NKAIN2: variants seen among roughly 807,000 people sequenced by gnomAD.
NKAIN2 encodes the protein sodium/potassium transporting ATPase interacting 2.
In NKAIN2, 14 loss-of-function variants were observed where a neutral mutation model predicts 32.6. The observed-to-expected ratio is 0.43, with a 90% CI of 0.28 to 0.67. NKAIN2 has a LOEUF of 0.67. NKAIN2 is among the 30% of genes least tolerant of loss of function. The probability of loss-of-function intolerance (pLI) is 0.17; values close to 1 mark genes in which losing one functional copy is unlikely to be tolerated. For missense variants in NKAIN2, 198 were observed against 258.3 expected (o/e 0.77, Z 1.60); for synonymous variants, 80 against 87.2 (o/e 0.92, Z 0.46).
intron 4 of NKAIN2, among the ~76,000 whole-genome samples, chr6:124,687,423 C>A (rs12202163): frequency 4.3e-4 from 10 of 23,508 alleles, no homozygotes; most frequent in African/African-American, 1.6e-3. Flanking sequence ...TATATATATT[C>A]CATGTATACC....
chr6:124,103,742 A>G (rs1167334250), intron 1 of NKAIN2, among the ~76,000 whole-genome samples: 1 of 152,206 alleles, frequency 6.6e-6, no homozygotes, highest in African/African-American at 2.4e-5. Context: ...AGAAAGTAGA[A>G]GTAGCCTAAG....
At chr6:124,651,561 C>G (rs568637397) in intron 3 of NKAIN2, among the ~76,000 whole-genome samples, 21 of 152,284 alleles carry the variant, frequency 1.4e-4, no homozygotes, top group African/African-American at 4.6e-4. Context: ...TGCCTCAAGG[C>G]TTACTGCTTG....
chr6:124,274,847 A>T (rs1794954479), intron 1 of NKAIN2, among the ~76,000 whole-genome samples: 1 of 152,064 alleles, frequency 6.6e-6, no homozygotes, highest in East Asian at 1.9e-4. Context: ...ACACTAAAAA[A>T]ACCCTATTAC....
chr6:123,874,885 C>CTACA (rs35937099), intron 1 of NKAIN2, among the ~76,000 whole-genome samples: 3,030 of 150,928 alleles, frequency 0.02, 92 homozygotes, highest in African/African-American at 0.067. Flanking sequence ...CTCGCTATTC[C>CTACA]TACATACATA....
intron 1 of NKAIN2, among the ~76,000 whole-genome samples, chr6:123,941,802 A>G (rs1019805770): frequency 2.6e-5 from 4 of 151,942 alleles, no homozygotes; most frequent in Admixed American, 6.6e-5. Context: ...TTTTGTATCT[A>G]TGGCGTCAAT....
intron 1 of NKAIN2, among the ~76,000 whole-genome samples, chr6:124,007,264 C>T (rs1780116727): frequency 6.6e-6 from 1 of 152,136 alleles, no homozygotes; most frequent in Non-Finnish European, 1.5e-5. Flanking sequence ...TATATGAGGT[C>T]CCTCATTGAC....
At chr6:123,983,803 C>T (rs924617442) in intron 1 of NKAIN2, among the ~76,000 whole-genome samples, 1 of 151,878 alleles carries the variant, frequency 6.6e-6, no homozygotes. Context: ...AAATTAAACT[C>T]AGGAAATTTT....
intron 3 of NKAIN2, among the ~76,000 whole-genome samples, chr6:124,575,544 C>T (rs1781298933): frequency 1.3e-5 from 2 of 152,154 alleles, no homozygotes. Context: ...TTTCTGCCAC[C>T]CTGCTTCTGC....
intron 1 of NKAIN2, among the ~76,000 whole-genome samples, chr6:123,926,089 C>G (rs916330937): frequency 3.9e-5 from 6 of 152,128 alleles, no homozygotes; most frequent in African/African-American, 1.4e-4. Context: ...TCCATAAGGG[C>G]TATAACCTCA....
chr6:123,919,681 T>G (rs1196653621), intron 1 of NKAIN2, among the ~76,000 whole-genome samples: 1 of 152,100 alleles, frequency 6.6e-6, no homozygotes, highest in Non-Finnish European at 1.5e-5. Flanking sequence ...GATTCCATGG[T>G]TATTTGAAGT....
intron 1 of NKAIN2, among the ~76,000 whole-genome samples, chr6:123,833,839 T>A (rs1774495170): frequency 1.3e-5 from 2 of 151,432 alleles, no homozygotes; most frequent in South Asian, 4.2e-4. Flanking sequence ...GCAATTCTCC[T>A]GGCTCAGCCT....
intron 1 of NKAIN2, among the ~76,000 whole-genome samples, chr6:124,231,555 A>T (rs1792462944): frequency 6.6e-6 from 1 of 152,038 alleles, no homozygotes; most frequent in South Asian, 2.1e-4. Context: ...TTGGTAGGAG[A>T]TAATTGAATC....
chr6:124,198,719 C>G (rs547739469), intron 1 of NKAIN2, among the ~76,000 whole-genome samples: 2 of 152,190 alleles, frequency 1.3e-5, no homozygotes, highest in Non-Finnish European at 2.9e-5. Flanking sequence ...CCCACAGCTG[C>G]TCATTCTGCT....
At chr6:124,483,265 C>G (rs1020389073) in intron 3 of NKAIN2, among the ~76,000 whole-genome samples, 2 of 152,258 alleles carry the variant, frequency 1.3e-5, no homozygotes, top group Non-Finnish European at 2.9e-5. Flanking sequence ...CAACATCACT[C>G]CATAAGTCAT....
At chr6:124,386,048 A>G (rs748218505) in intron 3 of NKAIN2, among the ~76,000 whole-genome samples, 3 of 152,114 alleles carry the variant, frequency 2.0e-5, no homozygotes, top group Non-Finnish European at 4.4e-5. Context: ...TACATTATTA[A>G]TTGAAGAAAA....
chr6:123,842,997 T>C (rs1457673934), intron 1 of NKAIN2, among the ~76,000 whole-genome samples: 1 of 152,188 alleles, frequency 6.6e-6, no homozygotes, highest in East Asian at 1.9e-4. Flanking sequence ...GGTGAGCAAG[T>C]GCACGAGCTG....
intron 1 of NKAIN2, among the ~76,000 whole-genome samples, chr6:124,153,207 T>G (rs1158858758): frequency 6.6e-6 from 1 of 151,878 alleles, no homozygotes; most frequent in Non-Finnish European, 1.5e-5. Context: ...CCGATTACCC[T>G]GATTTTATTA....
chr6:123,883,792 A>G (rs951592660), intron 1 of NKAIN2, among the ~76,000 whole-genome samples: 29 of 148,850 alleles, frequency 1.9e-4, no homozygotes, highest in Admixed American at 6.8e-5. Flanking sequence ...CTACTCGGGA[A>G]GCTGGGGCAG....
chr6:124,041,655 A>G (rs1010225468), intron 1 of NKAIN2, among the ~76,000 whole-genome samples: 4 of 152,112 alleles, frequency 2.6e-5, no homozygotes, highest in Admixed American at 2.6e-4. Context: ...AACATAAAAT[A>G]ACATTTTTGT....
Sources: allele counts gnomAD v4.1 joint callset (sites outside exome capture counted in the v4.1 genomes callset), GRCh38; gene constraint gnomAD v4.1.1; transcripts MANE v1.5; gene names NCBI Gene and HGNC (gene_info 2026-07-23, HGNC 2026-07-21).